PPFIA2: variants seen among roughly 807,000 people sequenced by gnomAD.
PPFIA2 encodes the protein PPFI scaffold protein A2, also known as liprin-alpha-2.
PPFIA2 carries 46 observed loss-of-function variants against 175.5 expected under a neutral mutation model. The observed-to-expected ratio is 0.26, with a 90% confidence interval of 0.21 to 0.34. The LOEUF (loss-of-function observed/expected upper bound fraction) is 0.34. Among genes scored for constraint, PPFIA2 ranks in the 10% least tolerant of loss-of-function variants. The probability of loss-of-function intolerance (pLI) is 1.00; values close to 1 mark genes in which losing one functional copy is unlikely to be tolerated. For synonymous variants in PPFIA2, 568 were observed against 511.4 expected (o/e 1.11, Z -1.49); for missense variants, 1,179 against 1,506.1 (o/e 0.78, Z 3.60).
At chr12:81,410,224 C>T (rs1276375575) in intron 7 of PPFIA2, among the ~76,000 whole-genome samples, 2 of 152,096 alleles carry the variant, frequency 1.3e-5, no homozygotes, top group African/African-American at 4.8e-5. Context: ...CAGTCTCAGA[C>T]ATTTTGTCAC....
At chr12:81,366,036 T>C (rs2033275501) in intron 14 of PPFIA2, among the ~76,000 whole-genome samples, 1 of 111,214 alleles carries the variant, frequency 9.0e-6, no homozygotes, top group African/African-American at 3.4e-5. Flanking sequence ...CTTCCTTCCC[T>C]CCCTCCCTCT....
chr12:81,619,909 C>T (rs1460575753), intron 4 of PPFIA2, among the ~76,000 whole-genome samples: 1 of 152,040 alleles, frequency 6.6e-6, no homozygotes, highest in African/African-American at 2.4e-5. Flanking sequence ...CCTGTAATCC[C>T]AGCACTTTGG....
intron 18 of PPFIA2, among the ~76,000 whole-genome samples, chr12:81,346,503 A>G (rs2140542666): frequency 6.7e-6 from 1 of 148,876 alleles, no homozygotes; most frequent in East Asian, 1.9e-4. Context: ...ATAATGAAAT[A>G]CATATATTAC....
rs1421075555 is a variant in PPFIA2, at chr12:81,370,096, G to T, written c.1267-902C>A. 2.6e-5 allele frequency among the ~76,000 whole-genome samples: 4 copies of T among 151,720 alleles called. No homozygotes were observed. In the East Asian group the frequency reaches 7.7e-4, roughly 29 times the overall value. On this transcript the variant is annotated intron_variant, in intron 11 of 32. Coordinates refer to ENST00000549396, the MANE Select transcript of PPFIA2 (RefSeq NM_003625.5). The stretch of plus-strand genomic sequence containing the variant: ...TAAAAGTTTGTATTAGGGTTTGTTT[G>T]TCTATATTACTTAAAAATAATGGAA...
chr12:81,382,977 C>A (rs536762558), intron 9 of PPFIA2, among the ~76,000 whole-genome samples: 1 of 152,032 alleles, frequency 6.6e-6, no homozygotes, highest in Non-Finnish European at 1.5e-5. Context: ...CAAGTAAATA[C>A]GGATGAAAAC....
At chr12:81,287,695 C>T (rs2043816542) in intron 24 of PPFIA2, among the ~76,000 whole-genome samples, 1 of 151,840 alleles carries the variant, frequency 6.6e-6, no homozygotes, top group African/African-American at 2.4e-5. Flanking sequence ...CTCTCTCCAC[C>T]ACCACTTTAG....
intron 3 of PPFIA2, among the ~76,000 whole-genome samples, chr12:81,730,833 G>A (rs1193254187): frequency 6.6e-6 from 1 of 151,466 alleles, no homozygotes; most frequent in African/African-American, 2.4e-5. Flanking sequence ...TCTAACTACA[G>A]GGTAATAGTT....
In PPFIA2 at chr12:81,339,298, C is replaced by T; in HGVS notation, c.2430G>A (p.Gly810=). 2 of 1,607,734 alleles carry T rather than the reference C, an allele frequency of 1.2e-6. No individual in the cohort carries two copies. Among genetic ancestry groups the T allele is most frequent in the Non-Finnish European group, 1.7e-6 (2 of 1,177,132 alleles). The change falls in exon 21 of 33, where the codon GGG becomes GGA. Residue 810 remains glycine, a synonymous_variant. Coordinates refer to ENST00000549396, the MANE Select transcript of PPFIA2 (RefSeq NM_003625.5). The part of the protein sequence containing the change: ...LSVSLEPESL[G]LGSANSSQDS... ...CTTGGCTGCTGTTGGCACTACCAAG[C>T]CCGAGGCTTTCTGGCTCAAGAGAGA...
At chr12:81,439,278 T>C (rs903158121) in intron 7 of PPFIA2, among the ~76,000 whole-genome samples, 2 of 148,822 alleles carry the variant, frequency 1.3e-5, no homozygotes, top group African/African-American at 4.9e-5. Context: ...CAGGGATAAA[T>C]ATATATATAT....
chr12:81,578,601 C>G (rs1404431830), intron 4 of PPFIA2, among the ~76,000 whole-genome samples: 1 of 151,742 alleles, frequency 6.6e-6, no homozygotes, highest in Non-Finnish European at 1.5e-5. Flanking sequence ...AAGGCTAATA[C>G]TTAGTAGCTT....
intron 25 of PPFIA2, 27 bp from the exon 26 acceptor site, chr12:81,283,066 T>C: frequency 1.9e-6 from 3 of 1,608,286 alleles, no homozygotes; most frequent in Non-Finnish European, 2.6e-6. Flanking sequence ...AAATGATTAA[T>C]AAAGCAGGTA....
intron 24 of PPFIA2, among the ~76,000 whole-genome samples, chr12:81,286,297 T>A (rs559071605): frequency 6.6e-6 from 1 of 152,232 alleles, no homozygotes; most frequent in African/African-American, 2.4e-5. Context: ...GGTTTTTTTA[T>A]GAATTGTGTG....
intron 4 of PPFIA2, among the ~76,000 whole-genome samples, chr12:81,575,575 G>A (rs565823523): frequency 1.3e-5 from 2 of 151,746 alleles, no homozygotes; most frequent in South Asian, 4.1e-4. Context: ...AGATATATGG[G>A]CTCTGCTCTC....
intron 15 of PPFIA2, among the ~76,000 whole-genome samples, chr12:81,359,671 T>C (rs1010984281): frequency 6.6e-6 from 1 of 151,870 alleles, no homozygotes; most frequent in African/African-American, 2.4e-5. Context: ...TTGTGATCAG[T>C]CTGGGTTCCT....
Position 81,258,143 on chromosome 12 carries a change from C to T in PPFIA2, c.*1551G>A, listed in dbSNP as rs2034387096. On this transcript the variant is annotated 3_prime_UTR_variant, in exon 33 of 33. Transcript: ENST00000549396. ...CACTCCCATAAGCAAGTTTAGATCTCCCTCTTGTGGCAGACTCAATTTTGA... is the reference window on the plus strand; with the variant it reads ...CACTCCCATAAGCAAGTTTAGATCTTCCTCTTGTGGCAGACTCAATTTTGA... The T allele has an allele frequency of 6.6e-6, 1 of 152,056 alleles. No homozygotes were observed. The highest frequency in any genetic ancestry group is 1.5e-5 in the Non-Finnish European group (1 of 68,006). 9.4% of individuals were successfully genotyped at this position (152,056 alleles called of 1,614,324 possible).
intron 4 of PPFIA2, among the ~76,000 whole-genome samples, chr12:81,531,166 A>C (rs2064492955): frequency 6.6e-6 from 1 of 151,960 alleles, no homozygotes; most frequent in African/African-American, 2.4e-5. Flanking sequence ...ATTCCCAGCG[A>C]ATAGAAGCCA....
intron 4 of PPFIA2, among the ~76,000 whole-genome samples, chr12:81,464,000 T>C (rs1337242466): frequency 5.9e-5 from 9 of 152,152 alleles, no homozygotes; most frequent in Non-Finnish European, 1.2e-4. Flanking sequence ...AAAGCTCTTC[T>C]ATTTCAGCTA....
chr12:81,560,128 A>G lies in PPFIA2; in HGVS notation c.304-102262T>C, dbSNP rs1188165802. Among the ~76,000 whole-genome samples the G allele has an allele frequency of 2.3e-4, 35 of 152,172 alleles. 1 individual carries two copies. Among genetic ancestry groups the G allele is most frequent in the Non-Finnish European group, 8.8e-5 (6 of 68,032 alleles). ...TACTGTAGACTGGAATGTAAAAGAG[A>G]CAAAAGTAAGGTCCAAATGGTACAG... On this transcript the variant is annotated intron_variant, in intron 4 of 32. Coordinates refer to ENST00000549396, the MANE Select transcript of PPFIA2 (RefSeq NM_003625.5).
At chr12:81,519,665 C>T (rs2062871496) in intron 4 of PPFIA2, among the ~76,000 whole-genome samples, 2 of 152,146 alleles carry the variant, frequency 1.3e-5, no homozygotes, top group Admixed American at 1.3e-4. Flanking sequence ...GTCTCAAGAC[C>T]TTGTTTAACT....
Sources: allele counts gnomAD v4.1 joint callset (sites outside exome capture counted in the v4.1 genomes callset), GRCh38; gene constraint gnomAD v4.1.1; transcripts MANE v1.5; gene names NCBI Gene and HGNC (gene_info 2026-07-23, HGNC 2026-07-21).